The following NWD2 variants were observed in gnomAD, a reference collection of about 807,000 sequenced individuals.
NWD2 encodes the protein NACHT and WD repeat domain-containing protein 2.
A neutral mutation model predicts 132.7 loss-of-function variants in NWD2; 37 were observed. The ratio of observed to expected loss-of-function variants is 0.28; its 90% CI spans 0.21 to 0.37. The LOEUF (loss-of-function observed/expected upper bound fraction) is 0.37. Among genes scored for constraint, NWD2 ranks in the 10% least tolerant of loss-of-function variants. The probability of loss-of-function intolerance (pLI) is 1.00; values close to 1 mark genes in which losing one functional copy is unlikely to be tolerated. For synonymous variants in NWD2, 705 were observed against 803.0 expected, an observed-to-expected ratio of 0.88 and a Z score of 2.06; for missense variants, 1,592 against 2,122.4, an observed-to-expected ratio of 0.75 and a Z score of 4.91.
chr4:37,253,278 T>G (rs1175770214), intron 1 of NWD2, among the ~76,000 whole-genome samples: 1 of 152,192 alleles, frequency 6.6e-6, no homozygotes, highest in Non-Finnish European at 1.5e-5. Context: ...ATATCACCAT[T>G]TTTCCTGATA....
At chr4:37,308,637 C>T (rs1718764893) in intron 1 of NWD2, among the ~76,000 whole-genome samples, 1 of 152,122 alleles carries the variant, frequency 6.6e-6, no homozygotes, top group East Asian at 1.9e-4. Context: ...CCCTGGGCAG[C>T]AGGGTAGTTC....
At chr4:37,394,874 G>A (rs984341943) in intron 3 of NWD2, among the ~76,000 whole-genome samples, 6 of 131,720 alleles carry the variant, frequency 4.6e-5, no homozygotes, top group Non-Finnish European at 7.7e-5. Context: ...GTGCAGTGGT[G>A]CAATCTTGGC....
chr4:37,445,615 C>T lies in NWD2; in HGVS notation c.3627C>T (p.Ala1209=), dbSNP rs928457269. 7.1e-5 allele frequency: 110 copies of T among 1,552,078 alleles called. No homozygotes were observed. The highest frequency in any genetic ancestry group is 9.2e-5 in the Non-Finnish European group (106 of 1,147,126). Residue 1209 remains alanine (A), a synonymous_variant, in exon 7 of 7, where the codon GCC becomes GCT. Transcript: ENST00000309447. This position sits in a 1 kb window ranked among gnomAD's most constrained non-coding sequence, Gnocchi z 4.7. ...AAAGTGCAGTTCTGATCTGTAAAGC[C>T]CTCAGCATTGAGCTCTTAGATACTG... ...EDQSAVLICK[A]LSIELLDTGL... is the part of the protein sequence containing the mutation.
intron 3 of NWD2, among the ~76,000 whole-genome samples, chr4:37,367,793 A>G (rs1397059827): frequency 6.6e-6 from 1 of 152,050 alleles, no homozygotes; most frequent in Non-Finnish European, 1.5e-5. Flanking sequence ...CTCCGTCTCT[A>G]TCAGTGAGGA....
intron 1 of NWD2, among the ~76,000 whole-genome samples, chr4:37,263,322 G>T (rs1321506639): frequency 2.6e-5 from 4 of 152,058 alleles, no homozygotes; most frequent in African/African-American, 9.7e-5. Flanking sequence ...TTAATGCATG[G>T]ACAGAACTGT....
chr4:37,269,388 A>G (rs528221884), intron 1 of NWD2, among the ~76,000 whole-genome samples: 67 of 151,992 alleles, frequency 4.4e-4, no homozygotes, highest in South Asian at 8.3e-4. Context: ...TAATCTTTTT[A>G]TGAGATAAGA....
At chr4:37,280,482 C>T (rs1254665839) in intron 1 of NWD2, among the ~76,000 whole-genome samples, 14 of 152,010 alleles carry the variant, frequency 9.2e-5, no homozygotes, top group Non-Finnish European at 1.8e-4. Flanking sequence ...ACAGGATATC[C>T]GGGAGAAAAA....
chr4:37,382,404 T>A (rs1274964370), intron 3 of NWD2, among the ~76,000 whole-genome samples: 1 of 152,156 alleles, frequency 6.6e-6, no homozygotes, highest in Non-Finnish European at 1.5e-5. Context: ...CTGTTTACCA[T>A]ATTAAGGAGG....
intron 3 of NWD2, among the ~76,000 whole-genome samples, chr4:37,389,072 G>A (rs566827225): frequency 1.3e-5 from 2 of 152,196 alleles, no homozygotes; most frequent in African/African-American, 2.4e-5. Flanking sequence ...AATGACAGAT[G>A]ATCAAGAAAC....
At chr4:37,415,514 C>T (rs1423234246) in intron 3 of NWD2, among the ~76,000 whole-genome samples, 1 of 152,114 alleles carries the variant, frequency 6.6e-6, no homozygotes, top group East Asian at 1.9e-4. Flanking sequence ...ACCATCCTGG[C>T]TAACACGGTG....
chr4:37,342,856 C>G (rs779490995), intron 2 of NWD2, among the ~76,000 whole-genome samples: 1 of 152,162 alleles, frequency 6.6e-6, no homozygotes, highest in Non-Finnish European at 1.5e-5. Flanking sequence ...TGGTCTCCTT[C>G]TTTCTAGTGA....
chr4:37,285,816 T>C (rs1038064632), intron 1 of NWD2, among the ~76,000 whole-genome samples: 7 of 152,212 alleles, frequency 4.6e-5, no homozygotes, highest in African/African-American at 1.4e-4. Flanking sequence ...TGTAGAAAAT[T>C]CTGTGGTTCT....
intron 2 of NWD2, among the ~76,000 whole-genome samples, chr4:37,353,543 C>G (rs1218767373): frequency 6.6e-6 from 1 of 152,004 alleles, no homozygotes; most frequent in Non-Finnish European, 1.5e-5. Flanking sequence ...TTGTTTGTTT[C>G]TTTTCATTTT....
intron 3 of NWD2, among the ~76,000 whole-genome samples, chr4:37,420,718 A>G (rs540110624): frequency 2.0e-5 from 3 of 152,218 alleles, no homozygotes; most frequent in Non-Finnish European, 2.9e-5. Flanking sequence ...AAAAAGGCAC[A>G]AAAGGAGCAG....
chr4:37,267,255 A>C (rs1434317147), intron 1 of NWD2, among the ~76,000 whole-genome samples: 1 of 152,042 alleles, frequency 6.6e-6, no homozygotes, highest in Non-Finnish European at 1.5e-5. Flanking sequence ...TCTTGCAAAG[A>C]TTCATTGTCA....
chr4:37,399,313 G>A (rs1720860386), intron 3 of NWD2, among the ~76,000 whole-genome samples: 1 of 152,124 alleles, frequency 6.6e-6, no homozygotes, highest in Non-Finnish European at 1.5e-5. Flanking sequence ...CCATCTTCTG[G>A]CTCCAAGAAT....
intron 3 of NWD2, among the ~76,000 whole-genome samples, chr4:37,375,144 G>T (rs989504132): frequency 6.6e-6 from 1 of 152,096 alleles, no homozygotes; most frequent in Non-Finnish European, 1.5e-5. Context: ...GTGAAGATAG[G>T]CAAAGGTGTA....
chr4:37,386,541 C>T (rs908665916), intron 3 of NWD2, among the ~76,000 whole-genome samples: 20 of 152,170 alleles, frequency 1.3e-4, no homozygotes, highest in Admixed American at 1.3e-3. Flanking sequence ...CCTGAACATG[C>T]AGTCCCAGCT....
intron 3 of NWD2, among the ~76,000 whole-genome samples, chr4:37,371,276 A>G (rs772665866): frequency 1.1e-4 from 17 of 151,560 alleles, no homozygotes; most frequent in African/African-American, 2.4e-4. Flanking sequence ...AGGGTTCACC[A>G]TGTTGGCCAG....
Sources: allele counts gnomAD v4.1 joint callset (sites outside exome capture counted in the v4.1 genomes callset), GRCh38; gene constraint gnomAD v4.1.1; non-coding constraint Gnocchi (gnomAD v3.1); transcripts MANE v1.5; gene names NCBI Gene and HGNC (gene_info 2026-07-23, HGNC 2026-07-21).